The following PLXDC2 variants were observed in gnomAD, a reference collection of about 807,000 sequenced individuals.
PLXDC2 encodes plexin domain containing 2, also known as plexin domain-containing protein 2.
A neutral mutation model predicts 68.9 loss-of-function variants in PLXDC2; 40 were observed. The observed-to-expected ratio is 0.58, with a 90% CI of 0.45 to 0.76. The LOEUF is 0.76. Ranked by LOEUF, PLXDC2 falls within the 30% of genes least tolerant of loss-of-function variation. The probability of loss-of-function intolerance (pLI) is 0.00; values close to 1 mark genes in which losing one functional copy is unlikely to be tolerated. For missense variants in PLXDC2, 644 were observed against 661.9 expected (o/e 0.97, Z 0.30); for synonymous variants, 243 against 234.2 (o/e 1.04, Z -0.34).
chr10:20,117,028 CACAT>C (rs1833631671), intron 4 of PLXDC2, among the ~76,000 whole-genome samples: 1 of 142,328 alleles, frequency 7.0e-6, no homozygotes, highest in Admixed American at 7.2e-5. Context: ...ATATAATTAT[CACAT>C]ACTAAATCCC....
chr10:20,102,195 T>C (rs1833432517), intron 4 of PLXDC2, among the ~76,000 whole-genome samples: 1 of 152,334 alleles, frequency 6.6e-6, no homozygotes, highest in Admixed American at 6.5e-5. Flanking sequence ...ATTTCTATAG[T>C]TCAGAAGTTT....
At chr10:20,240,711 CAA>C (rs202138349) in intron 12 of PLXDC2, among the ~76,000 whole-genome samples, 123 of 99,992 alleles carry the variant, frequency 1.2e-3, no homozygotes, top group East Asian at 3.4e-3. Flanking sequence ...TTGCAGTAGC[CAA>C]AAAAAAAAAA....
intron 13 of PLXDC2, among the ~76,000 whole-genome samples, chr10:20,252,435 G>A (rs1164422048): frequency 2.0e-5 from 3 of 152,068 alleles, no homozygotes; most frequent in African/African-American, 4.8e-5. Context: ...CTTCTTAAAT[G>A]GACACTAGAC....
At position 19,873,406 on chromosome 10, in the gene PLXDC2, C is replaced by CTT. The variant is rs1049862345; in HGVS notation, c.112+56236_112+56237dup. ...TGTTGGGATTAACATTCTTCTTCGTCTTTTTTTTTTTTTTTTTTTTTTGAA... is the reference window on the plus strand; with the variant it reads ...TGTTGGGATTAACATTCTTCTTCGTCTTTTTTTTTTTTTTTTTTTTTTTTGAA... On this transcript the variant is annotated intron_variant, in intron 1 of 13. Coordinates refer to ENST00000377252, the MANE Select transcript of PLXDC2 (RefSeq NM_032812.9). Among the ~76,000 whole-genome samples, 216 of 115,630 alleles carry CTT rather than the reference C, an allele frequency of 1.9e-3. 2 individuals carry two copies. Among genetic ancestry groups the CTT allele is most frequent in the Non-Finnish European group, 2.4e-3 (133 of 55,768 alleles). The allele number at this position is 115,630 out of a possible 152,430, so 75.9% of individuals were successfully genotyped here.
intron 1 of PLXDC2, among the ~76,000 whole-genome samples, chr10:19,882,537 G>A (rs1837747075): frequency 6.6e-6 from 1 of 152,206 alleles, no homozygotes; most frequent in South Asian, 2.1e-4. Context: ...CCAAAGTCAG[G>A]TACTTCTTTT....
At chr10:20,001,157 A>T (rs1012414981) in intron 1 of PLXDC2, among the ~76,000 whole-genome samples, 3 of 152,174 alleles carry the variant, frequency 2.0e-5, no homozygotes, top group Non-Finnish European at 2.9e-5. Flanking sequence ...GGCACAGATG[A>T]ACAAAAGTGC....
intron 6 of PLXDC2, among the ~76,000 whole-genome samples, chr10:20,162,086 A>C: frequency 7.4e-6 from 1 of 134,832 alleles, no homozygotes; most frequent in Non-Finnish European, 1.6e-5. Flanking sequence ...GAAGGAAGGA[A>C]GGAAGGAAGG....
chr10:20,200,309 A>G (rs1447053524), intron 9 of PLXDC2, among the ~76,000 whole-genome samples: 2 of 152,082 alleles, frequency 1.3e-5, no homozygotes, highest in Non-Finnish European at 2.9e-5. Context: ...AGAAATACAA[A>G]GAGTCAATGA....
chr10:19,830,579 A>G (rs1836669854), intron 1 of PLXDC2, among the ~76,000 whole-genome samples: 1 of 152,092 alleles, frequency 6.6e-6, no homozygotes. Context: ...TTATTTAGGA[A>G]TGTCCTCTCC....
intron 4 of PLXDC2, among the ~76,000 whole-genome samples, chr10:20,113,445 C>T (rs932515629): frequency 6.6e-6 from 1 of 152,154 alleles, no homozygotes; most frequent in African/African-American, 2.4e-5. Flanking sequence ...GCCATCAGGA[C>T]GTTGGTTCTA....
chr10:19,945,528 G>GT (rs1196289702), intron 1 of PLXDC2, among the ~76,000 whole-genome samples: 1 of 152,184 alleles, frequency 6.6e-6, no homozygotes, highest in African/African-American at 2.4e-5. Flanking sequence ...CTTGGCCTTG[G>GT]TTTTTTATTC....
intron 4 of PLXDC2, among the ~76,000 whole-genome samples, chr10:20,083,257 C>T (rs7067782): frequency 0.21 from 31,329 of 151,604 alleles, 3,914 homozygotes; most frequent in African/African-American, 0.35. Context: ...GGGTGGATCA[C>T]CAGGTCAGGA....
intron 1 of PLXDC2, among the ~76,000 whole-genome samples, chr10:19,932,095 A>T (rs545590473): frequency 2.0e-5 from 3 of 152,168 alleles, no homozygotes; most frequent in Non-Finnish European, 2.9e-5. Context: ...TGTCAGTCCC[A>T]GTAGGTCCTA....
At chr10:20,104,672 T>C (rs1833466395) in intron 4 of PLXDC2, among the ~76,000 whole-genome samples, 1 of 152,070 alleles carries the variant, frequency 6.6e-6, no homozygotes, top group Admixed American at 6.6e-5. Flanking sequence ...ACTATTTCAC[T>C]ATTAACATTG....
chr10:20,085,105 C>T (rs1441887589), intron 4 of PLXDC2, among the ~76,000 whole-genome samples: 1 of 151,568 alleles, frequency 6.6e-6, no homozygotes. Flanking sequence ...TCCAATGGTA[C>T]CTTCTACAGC....
chr10:20,182,069 ATT>A (rs1554772995), intron 9 of PLXDC2, among the ~76,000 whole-genome samples: 1 of 80,466 alleles, frequency 1.2e-5, no homozygotes. Context: ...GAAACCGGTT[ATT>A]TGTGTGTGTG....
chr10:20,107,344 C>G (rs1278904401), intron 4 of PLXDC2, among the ~76,000 whole-genome samples: 2 of 151,930 alleles, frequency 1.3e-5, no homozygotes, highest in Non-Finnish European at 2.9e-5. Context: ...CTAGTCCTTC[C>G]ACAAATATTC....
intron 3 of PLXDC2, among the ~76,000 whole-genome samples, chr10:20,054,870 T>G: frequency 6.6e-6 from 1 of 152,076 alleles, no homozygotes; most frequent in South Asian, 2.1e-4. Flanking sequence ...AAAAACCAGA[T>G]AGATGGATGG....
At chr10:20,199,347 C>G (rs1369942997) in intron 9 of PLXDC2, among the ~76,000 whole-genome samples, 2 of 151,414 alleles carry the variant, frequency 1.3e-5, no homozygotes, top group East Asian at 3.9e-4. Flanking sequence ...ATTAAAGTAA[C>G]AAAAAAGGCA....
Sources: allele counts gnomAD v4.1 joint callset (sites outside exome capture counted in the v4.1 genomes callset), GRCh38; gene constraint gnomAD v4.1.1; transcripts MANE v1.5; gene names NCBI Gene and HGNC (gene_info 2026-07-23, HGNC 2026-07-21).